Variants in FOXM1 observed in about 807,000 individuals in gnomAD.
The protein encoded by FOXM1 is forkhead box M1.
In FOXM1, 25 loss-of-function variants were observed where a neutral mutation model predicts 63.6. The ratio of observed to expected loss-of-function variants is 0.39; its 90% CI spans 0.29 to 0.55. The LOEUF (loss-of-function observed/expected upper bound fraction) is 0.55, where lower values mean the gene tolerates loss of function less well. FOXM1 is among the 20% of genes least tolerant of loss of function. The pLI is 0.60. For synonymous variants in FOXM1, 387 were observed against 376.9 expected (o/e 1.03, Z -0.31); for missense variants, 879 against 958.7 (o/e 0.92, Z 1.10).
Position 2,874,151 on chromosome 12 carries a change from T to C in FOXM1, c.328A>G (p.Ser110Gly). 1 of 1,614,180 alleles carries C rather than the reference T, an allele frequency of 6.2e-7. No individual in the cohort carries two copies. Among genetic ancestry groups the C allele is most frequent in the East Asian group, 2.2e-5 (1 of 44,878 alleles). The change falls in exon 2 of 9, where the codon AGC becomes GGC. Residue 110 changes from serine to glycine, a missense_variant. Physicochemically the swap from Ser to Gly is moderately conservative, Grantham distance 56 (BLOSUM62 0). Around this residue, in one of 4 missense-constraint regions of FOXM1, gnomAD observed 255 missense variants for 292.4 expected, o/e 0.87. Transcript: ENST00000359843. The surrounding 1 kb of genome is among the most constrained non-coding windows in gnomAD (Gnocchi z 4.3). Reference sequence around the variant, plus strand: ...GGCTGAGTTGGGGCTCCCCCACAGCTGATGAGGATGAATTTGTTGGGCCCA... The same window carrying C: ...GGCTGAGTTGGGGCTCCCCCACAGCCGATGAGGATGAATTTGTTGGGCCCA... ...SSGPNKFILI[S>G]CGGAPTQPPG...
In FOXM1 at chr12:2,876,989, G is replaced by A. The variant is rs1297618633; in HGVS notation, c.-117C>T. The A allele has an allele frequency of 6.6e-6, 1 of 152,160 alleles. No homozygotes were observed. Among genetic ancestry groups the A allele is most frequent in the Non-Finnish European group, 1.5e-5 (1 of 68,060 alleles). The allele number at this position is 152,160 out of a possible 1,614,324, so 9.4% of individuals were successfully genotyped here. The stretch of plus-strand genomic sequence containing the variant: ...GCGGGCTCCGGGCTCCTCCAACCTG[G>A]GGGCCGAGCCAGGGCCCCGGACGGG... On this transcript the variant is annotated 5_prime_UTR_variant, in exon 1 of 9. Transcript: ENST00000359843.
Position 2,873,681 on chromosome 12 carries a change from G to A in FOXM1, c.502+296C>T, listed in dbSNP as rs1396764074. Among the ~76,000 whole-genome samples the A allele has an allele frequency of 3.3e-5, 5 of 151,544 alleles. 1 individual carries two copies. The highest frequency in any genetic ancestry group is 4.2e-4 in the South Asian group (2 of 4,814). On this transcript the variant is annotated intron_variant, in intron 2 of 8. Transcript: ENST00000359843. ...GCAACCTCCACCTCCCAGGTTCAGC[G>A]ATTCTCCTGCCTCAGCCTCCAGAGT...
rs2098119582 is a variant in FOXM1 at position 2,864,494 on chromosome 12, C to G, written c.1092G>C (p.Arg364=). Residue 364 remains arginine (R), a splice_region_variant and synonymous_variant, in exon 8 of 9, where the codon CGG becomes CGC. Coordinates refer to ENST00000359843, the MANE Select transcript of FOXM1 (RefSeq NM_021953.4). This position sits in a 1 kb window ranked among gnomAD's most constrained non-coding sequence, Gnocchi z 5.1. ...TIKTELPLGA[R]RKMKPLLPRV... ...GTGGTAGCAGTGGCTTCATCTTCCG[C>G]CCTAGGAGGAAACACGAGAGATCAG... is the stretch of plus-strand genomic sequence containing the variant. 3.1e-6 allele frequency: 5 copies of G among 1,610,052 alleles called. No homozygotes were observed. Among genetic ancestry groups the G allele is most frequent in the East Asian group, 2.2e-5 (1 of 44,756 alleles).
chr12:2,874,627 C>A lies in FOXM1; in HGVS notation c.-47-102G>T. 2.6e-6 allele frequency: 2 copies of A among 771,934 alleles called. No individual in the cohort carries two copies. Among genetic ancestry groups the A allele is most frequent in the Middle Eastern group, 5.0e-4 (2 of 3,980 alleles). 47.8% of individuals were successfully genotyped at this position (771,934 alleles called of 1,614,324 possible). A position where few individuals can be genotyped will look rare whatever the true frequency, so the allele number is the denominator to read the frequency against. On this transcript the variant is annotated intron_variant, in intron 1 of 8. Coordinates refer to ENST00000359843, the MANE Select transcript of FOXM1 (RefSeq NM_021953.4). The surrounding 1 kb of genome is among the most constrained non-coding windows in gnomAD (Gnocchi z 4.3). Reference sequence around the variant, plus strand: ...TCTTTATATGACCAGGAACATGAGCCTAAAGGCCCAGGTAAACATTCCATG... The same window carrying A: ...TCTTTATATGACCAGGAACATGAGCATAAAGGCCCAGGTAAACATTCCATG...
rs1245249155 is a variant in FOXM1 at position 2,864,410 on chromosome 12, C to G, written c.1176G>C (p.Gln392His). 1.2e-6 allele frequency: 2 copies of G among 1,614,066 alleles called. No homozygotes were observed. The highest frequency in any genetic ancestry group is 1.7e-6 in the Non-Finnish European group (2 of 1,180,030). Reference protein sequence around the residue: ...QFPVNQSLVLQPSVKVPLPLA... With the variant: ...QFPVNQSLVLHPSVKVPLPLA... ...GGGGCAATGGCACCTTCACCGAGGG[C>G]TGCAACACCAGTGACTGGTTCACCG... The change falls in exon 8 of 9, where the codon CAG (glutamine) becomes CAC (histidine). Residue 392 changes from glutamine (Q) to histidine (H), a missense_variant. Physicochemically the swap from Gln to His is conservative, Grantham distance 24. Transcript: ENST00000359843. This position sits in a 1 kb window ranked among gnomAD's most constrained non-coding sequence, Gnocchi z 5.1.
chr12:2,876,036 C>T (rs2098142837), intron 1 of FOXM1, among the ~76,000 whole-genome samples: 1 of 151,978 alleles, frequency 6.6e-6, no homozygotes, highest in African/African-American at 2.4e-5. Context: ...GCTGGGATTA[C>T]AGGCGTGAGC....
chr12:2,858,929 A>C lies in FOXM1; in HGVS notation c.2001T>G (p.Ala667=), dbSNP rs1393366350. ...MDLSTTPLQS[A]PPLESPQRLL... is the part of the protein sequence containing the mutation. ...GCCTTTGCGGTGATTCAAGGGGGGG[A>C]GCACTTTGCAAGGGAGTGGTGCTGA... Residue 667 remains alanine, a synonymous_variant, in exon 9 of 9, where the codon GCT becomes GCG. Coordinates refer to ENST00000359843, the MANE Select transcript of FOXM1 (RefSeq NM_021953.4). 1 of 1,613,322 alleles carries C rather than the reference A, an allele frequency of 6.2e-7. No homozygotes were observed. The highest frequency in any genetic ancestry group is 8.5e-7 in the Non-Finnish European group (1 of 1,179,932).
chr12:2,876,020 C>T (rs2098142784), intron 1 of FOXM1, among the ~76,000 whole-genome samples: 1 of 152,006 alleles, frequency 6.6e-6, no homozygotes. Context: ...CTCGGCCTCC[C>T]AAAGTGCTGG....
At position 2,864,443 on chromosome 12, in the gene FOXM1, G is replaced by A. The variant is rs2098119449; in HGVS notation, c.1143C>T (p.Ile381=). 1 of 1,614,046 alleles carries A rather than the reference G, an allele frequency of 6.2e-7. No individual in the cohort carries two copies. The highest frequency in any genetic ancestry group is 1.3e-5 in the African/African-American group (1 of 74,914). ...CCAGTGACTGGTTCACCGGGAACTG[G>A]ATAGGTACCAGGTATGAGCTGACCC... ...LPRVSSYLVP[I]QFPVNQSLVL... The change falls in exon 8 of 9, where the codon ATC becomes ATT. Residue 381 remains isoleucine (I), a synonymous_variant. Transcript: ENST00000359843. The surrounding 1 kb of genome is among the most constrained non-coding windows in gnomAD (Gnocchi z 5.1).
chr12:2,868,852 G>A, intron 3 of FOXM1, 98 bp from the exon 4 acceptor site: 1 of 928,346 alleles, frequency 1.1e-6, no homozygotes, highest in Admixed American at 2.6e-5. Context: ...TTATCCCATA[G>A]GACGGTCTAG....
In FOXM1 at chr12:2,874,463, G is replaced by A. The variant is rs141301985; in HGVS notation, c.16C>T (p.Arg6Cys). MKTSP[R>C]RPLILKRRRL... ...CGTCTTTTGAGAATCAGTGGCCGAC[G>A]GGGGCTAGTTTTCATTATGAATCTG... The change falls in exon 2 of 9, where the codon CGT becomes TGT. Residue 6 changes from arginine to cysteine, a missense_variant. Coordinates refer to ENST00000359843, the MANE Select transcript of FOXM1 (RefSeq NM_021953.4). This position sits in a 1 kb window ranked among gnomAD's most constrained non-coding sequence, Gnocchi z 4.3. 4.0e-4 allele frequency: 641 copies of A among 1,609,234 alleles called. 2 individuals are homozygous for A. The African/African-American group carries it at 7.7e-3, about 19-fold the overall frequency.
Position 2,859,229 on chromosome 12 carries a change from A to G in FOXM1, c.1701T>C (p.Ser567=). Residue 567 remains serine (S), a synonymous_variant, in exon 9 of 9, where the codon AGT becomes AGC. Transcript: ENST00000359843. ...GGAGCTCTGCGGCCCAGCGGGAAGTACTGGGCCCCTCTGAGAAGAGCAGCT... is the reference window on the plus strand; with the variant it reads ...GGAGCTCTGCGGCCCAGCGGGAAGTGCTGGGCCCCTCTGAGAAGAGCAGCT... ...EPELLFSEGP[S]TSRWAAELPF... is the part of the protein sequence containing the mutation. 2 of 1,613,622 alleles carry G rather than the reference A, an allele frequency of 1.2e-6. No individual in the cohort carries two copies. Among genetic ancestry groups the G allele is most frequent in the Non-Finnish European group, 1.7e-6 (2 of 1,179,972 alleles).
At chr12:2,862,204 A>T (rs986387500) in intron 8 of FOXM1, among the ~76,000 whole-genome samples, 1 of 151,582 alleles carries the variant, frequency 6.6e-6, no homozygotes, top group African/African-American at 2.4e-5. Context: ...AAAAAGAGAC[A>T]TGTAGAGAAG....
At chr12:2,865,446 A>G in intron 5 of FOXM1, 47 bp from the exon 6 acceptor site, 1 of 1,517,596 alleles carries the variant, frequency 6.6e-7, no homozygotes, top group Non-Finnish European at 9.1e-7. Flanking sequence ...TGAAGTTACC[A>G]CCAACGTGGT....
Position 2,864,569 on chromosome 12 carries a change from T to G in FOXM1, c.1091-74A>C. ...CTTCTCAGCCCCAGGAGCTTTGCTC[T>G]CCTTCTCTGGGCTCAGATCCCTTTG... On this transcript the variant is annotated intron_variant, in intron 7 of 8. Coordinates refer to ENST00000359843, the MANE Select transcript of FOXM1 (RefSeq NM_021953.4). This position sits in a 1 kb window ranked among gnomAD's most constrained non-coding sequence, Gnocchi z 5.1. 6.3e-7 allele frequency: 1 copy of G among 1,582,670 alleles called. No homozygotes were observed. The highest frequency in any genetic ancestry group is 8.7e-7 in the Non-Finnish European group (1 of 1,154,096).
In FOXM1 at chr12:2,872,809, C is replaced by CT. The variant is rs543679139; in HGVS notation, c.503-563dup. ...AGCCTTAGAGATCAATCAAGGCAGG[C>CT]TTACAAAAGAATTATTGAGATATGC... On this transcript the variant is annotated intron_variant, in intron 2 of 8. Coordinates refer to ENST00000359843, the MANE Select transcript of FOXM1 (RefSeq NM_021953.4). This position sits in a 1 kb window ranked among gnomAD's most constrained non-coding sequence, Gnocchi z 4.0. Among the ~76,000 whole-genome samples, 10 of 152,048 alleles carry CT rather than the reference C, an allele frequency of 6.6e-5. No homozygotes were observed. In the East Asian group the frequency reaches 1.7e-3, roughly 26 times the overall value.
chr12:2,860,458 G>A (rs2098109015), intron 8 of FOXM1, among the ~76,000 whole-genome samples: 1 of 152,076 alleles, frequency 6.6e-6, no homozygotes, highest in Non-Finnish European at 1.5e-5. Context: ...CTGCACTCCA[G>A]ACTAGGCAAC....
At chr12:2,876,611 C>G (rs924378172) in intron 1 of FOXM1, 1 of 152,348 alleles carries the variant, frequency 6.6e-6, no homozygotes, top group African/African-American at 2.4e-5. Context: ...GTAGTACAAT[C>G]TCAGTCTTCA....
chr12:2,872,148 T>C lies in FOXM1; in HGVS notation c.602A>G (p.Lys201Arg), dbSNP rs746841790. ...SSDGLGSRSI[K>R]QEMEEKENCH... The stretch of plus-strand genomic sequence containing the variant: ...ATTCTCCTTTTCCTCCATCTCTTGC[T>C]TGATGCTGCGGGAGCCCAGTCCATC... Residue 201 changes from lysine (K) to arginine (R), a missense_variant, in exon 3 of 9, where the codon AAG becomes AGG. Physicochemically the swap from Lys to Arg is conservative, Grantham distance 26. Coordinates refer to ENST00000359843, the MANE Select transcript of FOXM1 (RefSeq NM_021953.4). This position sits in a 1 kb window ranked among gnomAD's most constrained non-coding sequence, Gnocchi z 4.0. 2 of 1,614,234 alleles carry C rather than the reference T, an allele frequency of 1.2e-6. No homozygotes were observed. The highest frequency in any genetic ancestry group is 1.7e-6 in the Non-Finnish European group (2 of 1,180,028).
Sources: gnomAD v4.1 joint callset for allele counts (sites outside exome capture counted in the v4.1 genomes callset) on GRCh38, gnomAD v4.1.1 for gene constraint, gnomAD v4.1.1 regional missense constraint, Gnocchi (gnomAD v3.1) non-coding constraint, MANE v1.5 for transcripts, NCBI Gene and HGNC (gene_info 2026-07-23, HGNC 2026-07-21) for gene names.